KHDRBS2: variants seen among roughly 807,000 people sequenced by gnomAD.
KHDRBS2 encodes KH domain-containing, RNA-binding, signal transduction-associated protein 2.
In KHDRBS2, 26 loss-of-function variants were observed where a neutral mutation model predicts 44.3. That is an observed-to-expected ratio of 0.59 (90% confidence interval 0.43 to 0.81). KHDRBS2 has a LOEUF of 0.81. Among genes scored for constraint, KHDRBS2 ranks in the 40% least tolerant of loss-of-function variants. KHDRBS2 has a pLI of 0.00. For synonymous variants in KHDRBS2, 194 were observed against 151.1 expected (o/e 1.28, Z -2.08); for missense variants, 476 against 433.1 (o/e 1.10, Z -0.88).
chr6:62,162,396 A>AT (rs1189966340), intron 2 of KHDRBS2, among the ~76,000 whole-genome samples: 1 of 152,040 alleles, frequency 6.6e-6, no homozygotes, highest in Non-Finnish European at 1.5e-5. Flanking sequence ...CTTGAGATAT[A>AT]TTTTCCCACT....
the KHDRBS2 span, among the ~76,000 whole-genome samples, chr6:61,600,170 G>T: frequency 2.6e-5 from 4 of 152,076 alleles, no homozygotes; most frequent in African/African-American, 7.2e-5. Context: ...TAACACCTGG[G>T]AATATGAGTG....
intron 4 of KHDRBS2, among the ~76,000 whole-genome samples, chr6:61,950,589 G>C (rs1365594634): frequency 2.0e-5 from 3 of 151,884 alleles, no homozygotes; most frequent in Admixed American, 2.0e-4. Context: ...TTATCTTGAT[G>C]GATTTATTTC....
chr6:62,049,714 T>C (rs1356570718), intron 2 of KHDRBS2, among the ~76,000 whole-genome samples: 1 of 152,066 alleles, frequency 6.6e-6, no homozygotes, highest in Non-Finnish European at 1.5e-5. Flanking sequence ...TCCTGTTCTG[T>C]AGGTTGCCTG....
At chr6:61,956,965 C>T (rs1047572206) in intron 4 of KHDRBS2, among the ~76,000 whole-genome samples, 14 of 150,312 alleles carry the variant, frequency 9.3e-5, no homozygotes, top group South Asian at 8.5e-4. Context: ...TCAGGGACCC[C>T]GAACGGAGGA....
the KHDRBS2 span, among the ~76,000 whole-genome samples, chr6:61,640,278 T>C: frequency 6.6e-6 from 1 of 152,128 alleles, no homozygotes; most frequent in African/African-American, 2.4e-5. Context: ...TATACCTCTG[T>C]AGTTTAGTGT....
At chr6:62,273,549 T>C (rs1840424533) in intron 1 of KHDRBS2, among the ~76,000 whole-genome samples, 1 of 152,214 alleles carries the variant, frequency 6.6e-6, no homozygotes, top group Non-Finnish European at 1.5e-5. Context: ...ACTTTGAAGA[T>C]GAGTTTTCTC....
At chr6:61,955,968 T>C (rs564942173) in intron 4 of KHDRBS2, among the ~76,000 whole-genome samples, 27 of 152,194 alleles carry the variant, frequency 1.8e-4, no homozygotes, top group African/African-American at 6.3e-4. Flanking sequence ...GCAAGAAGTC[T>C]AGCTATAGAT....
At chr6:62,031,900 A>T (rs1486723843) in intron 3 of KHDRBS2, among the ~76,000 whole-genome samples, 1 of 152,054 alleles carries the variant, frequency 6.6e-6, no homozygotes, top group Non-Finnish European at 1.5e-5. Flanking sequence ...GGCAGTAGCC[A>T]AAAAGTGGTT....
chr6:61,764,205 A>T (rs990671983), intron 6 of KHDRBS2, among the ~76,000 whole-genome samples: 11 of 152,108 alleles, frequency 7.2e-5, no homozygotes, highest in African/African-American at 2.7e-4. Flanking sequence ...GTGTATATGT[A>T]CCATGTTTTC....
At chr6:62,159,112 C>T (rs1468583347) in intron 2 of KHDRBS2, among the ~76,000 whole-genome samples, 1 of 151,838 alleles carries the variant, frequency 6.6e-6, no homozygotes, top group African/African-American at 2.4e-5. Context: ...GATGTGTAGG[C>T]TCATTTATAA....
rs1196270156 is a variant in KHDRBS2, at chr6:61,954,802, G to A, written c.483+23264C>T. 2.3e-5 allele frequency among the ~76,000 whole-genome samples: 2 copies of A among 85,598 alleles called. 1 individual carries two copies. 56.2% of individuals were successfully genotyped at this position (85,598 alleles called of 152,430 possible). A position where few individuals can be genotyped will look rare whatever the true frequency, so the allele number is the denominator to read the frequency against. ...TGTGTATATACACATGCATATGTAT[G>A]TATACATACGCATGTGTATATACAC... On this transcript the variant is annotated intron_variant, in intron 4 of 8. Coordinates refer to ENST00000281156, the MANE Select transcript of KHDRBS2 (RefSeq NM_152688.4).
At chr6:62,153,631 C>A (rs1815707594) in intron 2 of KHDRBS2, among the ~76,000 whole-genome samples, 1 of 151,842 alleles carries the variant, frequency 6.6e-6, no homozygotes, top group Non-Finnish European at 1.5e-5. Context: ...GAAAAATGGC[C>A]AAATATGATC....
intron 4 of KHDRBS2, among the ~76,000 whole-genome samples, chr6:61,919,983 G>A (rs1024094781): frequency 2.0e-5 from 3 of 151,842 alleles, no homozygotes; most frequent in African/African-American, 7.3e-5. Flanking sequence ...TGGATTTCGA[G>A]TTGGAACCAA....
At chr6:61,861,373 C>T (rs1236236389) in intron 6 of KHDRBS2, among the ~76,000 whole-genome samples, 1 of 152,048 alleles carries the variant, frequency 6.6e-6, no homozygotes, top group Non-Finnish European at 1.5e-5. Context: ...CTTAATCCAC[C>T]TTGAGACAAT....
chr6:62,143,417 G>C (rs932381669), intron 2 of KHDRBS2, among the ~76,000 whole-genome samples: 2 of 151,914 alleles, frequency 1.3e-5, no homozygotes, highest in Admixed American at 1.3e-4. Context: ...ATATTTAATA[G>C]ACAAAGACAG....
intron 3 of KHDRBS2, among the ~76,000 whole-genome samples, chr6:61,999,909 C>A (rs1584065623): frequency 6.6e-6 from 1 of 151,998 alleles, no homozygotes; most frequent in East Asian, 1.9e-4. Flanking sequence ...TATTAGATAT[C>A]TTATGGTGAA....
intron 2 of KHDRBS2, among the ~76,000 whole-genome samples, chr6:62,082,000 A>C (rs1473435960): frequency 1.3e-5 from 2 of 152,180 alleles, no homozygotes; most frequent in East Asian, 3.8e-4. Flanking sequence ...ATTGAAATAC[A>C]TCAAAAACAC....
chr6:61,610,786 C>A, the KHDRBS2 span, among the ~76,000 whole-genome samples: 2 of 152,164 alleles, frequency 1.3e-5, no homozygotes, highest in African/African-American at 4.8e-5. Context: ...TAGCTACAAC[C>A]CTTATTCAAG....
At chr6:62,047,699 G>C (rs1788015818) in intron 3 of KHDRBS2, among the ~76,000 whole-genome samples, 179 bp downstream of exon 3, 1 of 151,702 alleles carries the variant, frequency 6.6e-6, no homozygotes, top group South Asian at 2.1e-4. Flanking sequence ...AAAGAAGGGA[G>C]GCCAATAATT....
Sources: allele counts gnomAD v4.1 joint callset (sites outside exome capture counted in the v4.1 genomes callset), GRCh38; gene constraint gnomAD v4.1.1; transcripts MANE v1.5; gene names NCBI Gene and HGNC (gene_info 2026-07-23, HGNC 2026-07-21).